DLGAP1: variants seen among roughly 807,000 people sequenced by gnomAD.
The protein encoded by DLGAP1 is disks large-associated protein 1.
In DLGAP1, 11 loss-of-function variants were observed where a neutral mutation model predicts 90.8. That is an observed-to-expected ratio of 0.12 (90% confidence interval 0.08 to 0.20). The LOEUF (loss-of-function observed/expected upper bound fraction) is 0.20. DLGAP1 is among the 10% of genes least tolerant of loss of function. DLGAP1 has a pLI of 1.00. For synonymous variants in DLGAP1, 558 were observed against 540.7 expected, an observed-to-expected ratio of 1.03 and a Z score of -0.44; for missense variants, 1,050 against 1,333.8, an observed-to-expected ratio of 0.79 and a Z score of 3.31.
At chr18:4,388,344 C>T (rs2082276650) in intron 1 of DLGAP1, among the ~76,000 whole-genome samples, 1 of 152,028 alleles carries the variant, frequency 6.6e-6, no homozygotes, top group Admixed American at 6.5e-5. Context: ...CAGTTTTGCA[C>T]ATGTGCCTGT....
chr18:4,023,999 G>A (rs1160491485), intron 2 of DLGAP1, among the ~76,000 whole-genome samples: 1 of 151,896 alleles, frequency 6.6e-6, no homozygotes, highest in East Asian at 1.9e-4. Flanking sequence ...CTCTCTCATT[G>A]GCATTTATCT....
intron 1 of DLGAP1, among the ~76,000 whole-genome samples, chr18:4,387,172 T>A (rs958841053): frequency 6.6e-6 from 1 of 152,054 alleles, no homozygotes; most frequent in African/African-American, 2.4e-5. Flanking sequence ...GGGAGCAAGG[T>A]TGAGTGAAAA....
intron 3 of DLGAP1, among the ~76,000 whole-genome samples, chr18:3,911,218 T>C (rs1400121716): frequency 1.3e-5 from 2 of 152,228 alleles, no homozygotes; most frequent in Admixed American, 1.3e-4. Context: ...GGATGAAGTC[T>C]GGATCTTATA....
chr18:4,034,317 C>T (rs534336069), intron 2 of DLGAP1, among the ~76,000 whole-genome samples: 13 of 151,494 alleles, frequency 8.6e-5, no homozygotes, highest in East Asian at 7.8e-4. Context: ...GCTGGGATTA[C>T]GGACATAAGC....
At chr18:3,646,006 G>A (rs369294076) in intron 7 of DLGAP1, among the ~76,000 whole-genome samples, 2 of 152,228 alleles carry the variant, frequency 1.3e-5, no homozygotes, top group Admixed American at 1.3e-4. Context: ...ATATGAGACT[G>A]GTATGCCCTA....
At chr18:3,809,213 T>C (rs1288473364) in intron 5 of DLGAP1, among the ~76,000 whole-genome samples, 2 of 152,284 alleles carry the variant, frequency 1.3e-5, no homozygotes, top group Middle Eastern at 3.4e-3. Context: ...GCTAATGCTG[T>C]CTTCCACAGG....
At chr18:4,251,733 A>T (rs1729345256) in intron 1 of DLGAP1, among the ~76,000 whole-genome samples, 1 of 152,180 alleles carries the variant, frequency 6.6e-6, no homozygotes. Flanking sequence ...CCTGACTCCC[A>T]CTCTATAGTG....
chr18:3,600,299 T>C (rs2056823042), intron 7 of DLGAP1, among the ~76,000 whole-genome samples: 1 of 151,964 alleles, frequency 6.6e-6, no homozygotes, highest in South Asian at 2.1e-4. Flanking sequence ...TCACCCAGGC[T>C]GGAGTGCAAT....
At chr18:4,413,041 C>T (rs747106236) in intron 1 of DLGAP1, among the ~76,000 whole-genome samples, 1 of 152,132 alleles carries the variant, frequency 6.6e-6, no homozygotes, top group East Asian at 1.9e-4. Context: ...TTCACTGGGG[C>T]GTTTTTGATA....
At chr18:4,344,651 C>T (rs1229576786) in intron 1 of DLGAP1, among the ~76,000 whole-genome samples, 1 of 152,126 alleles carries the variant, frequency 6.6e-6, no homozygotes. Flanking sequence ...ACATTATGTG[C>T]CAGGTCTGGA....
chr18:3,597,573 A>C, intron 7 of DLGAP1: 1 of 257,712 alleles, frequency 3.9e-6, no homozygotes, highest in Non-Finnish European at 7.6e-6. Context: ...TTCATCAGTA[A>C]CCTTGGTTCA....
chr18:3,516,250 A>G (rs2050839326), intron 10 of DLGAP1, among the ~76,000 whole-genome samples: 2 of 151,638 alleles, frequency 1.3e-5, no homozygotes, highest in African/African-American at 4.9e-5. Flanking sequence ...TATTTTTTCA[A>G]ATTTTTTTGG....
intron 1 of DLGAP1, among the ~76,000 whole-genome samples, chr18:4,276,615 G>T (rs2079421564): frequency 6.6e-6 from 1 of 151,064 alleles, no homozygotes; most frequent in Admixed American, 6.6e-5. Context: ...CAGCCTGGAT[G>T]ACAGAGCAAG....
At chr18:4,254,134 C>G (rs535322788) in intron 1 of DLGAP1, among the ~76,000 whole-genome samples, 1 of 152,326 alleles carries the variant, frequency 6.6e-6, no homozygotes, top group South Asian at 2.1e-4. Context: ...CAAGACTCAT[C>G]CACGGCACAA....
At chr18:4,126,177 A>AG (rs36078621) in intron 2 of DLGAP1, among the ~76,000 whole-genome samples, 7 of 152,120 alleles carry the variant, frequency 4.6e-5, no homozygotes, top group Non-Finnish European at 1.0e-4. Flanking sequence ...GGGTAGGGGT[A>AG]GGGGGATCAC....
chr18:4,396,216 A>T (rs960785848), intron 1 of DLGAP1, among the ~76,000 whole-genome samples: 3 of 152,180 alleles, frequency 2.0e-5, no homozygotes, highest in African/African-American at 7.2e-5. Context: ...GAGAGCAGCA[A>T]ATCGATGAAG....
intron 2 of DLGAP1, among the ~76,000 whole-genome samples, chr18:4,088,050 A>T: frequency 6.7e-6 from 1 of 149,654 alleles, no homozygotes; most frequent in Admixed American, 6.6e-5. Context: ...ATTTTTCCTC[A>T]ACTATTGATC....
intron 3 of DLGAP1, among the ~76,000 whole-genome samples, chr18:3,939,752 A>G (rs1599189857): frequency 6.6e-6 from 1 of 152,110 alleles, no homozygotes; most frequent in East Asian, 1.9e-4. Flanking sequence ...AATAATAATA[A>G]AAAATATGGT....
At chr18:4,451,369 A>G (rs1194035661) in intron 1 of DLGAP1, among the ~76,000 whole-genome samples, 2 of 152,204 alleles carry the variant, frequency 1.3e-5, no homozygotes, top group Non-Finnish European at 2.9e-5. Flanking sequence ...GGAAAGGTGT[A>G]GCAAATATAC....
Sources: allele counts gnomAD v4.1 joint callset (sites outside exome capture counted in the v4.1 genomes callset), GRCh38; gene constraint gnomAD v4.1.1; transcripts MANE v1.5; gene names NCBI Gene and HGNC (gene_info 2026-07-23, HGNC 2026-07-21).